Variants in CDKL3 observed in about 807,000 individuals in gnomAD.
The protein encoded by CDKL3 is cyclin dependent kinase like 3.
In CDKL3, 65 loss-of-function variants were observed where a neutral mutation model predicts 69.3. The ratio of observed to expected loss-of-function variants is 0.94; its 90% CI spans 0.77 to 1.15. The LOEUF is 1.15. CDKL3 is among the 50% of genes most tolerant of loss of function. The pLI, the probability that CDKL3 is intolerant of heterozygous loss-of-function variation, is 0.00. For missense variants in CDKL3, 652 were observed against 689.2 expected (o/e 0.95, Z 0.61); for synonymous variants, 202 against 221.6 (o/e 0.91, Z 0.79).
intron 4 of CDKL3, among the ~76,000 whole-genome samples, chr5:134,338,099 T>C (rs986272539): frequency 1.1e-4 from 17 of 152,194 alleles, no homozygotes; most frequent in African/African-American, 4.1e-4. Flanking sequence ...AAATGTAATA[T>C]GTGTAATATA....
chr5:134,356,814 A>G (rs1279612542), intron 3 of CDKL3, among the ~76,000 whole-genome samples: 1 of 151,984 alleles, frequency 6.6e-6, no homozygotes, highest in Non-Finnish European at 1.5e-5. Context: ...AAAATAAAAT[A>G]AAAACTCTTA....
intron 4 of CDKL3, among the ~76,000 whole-genome samples, chr5:134,344,997 G>A (rs1220357612): frequency 1.3e-5 from 2 of 151,910 alleles, no homozygotes; most frequent in South Asian, 2.1e-4. Flanking sequence ...CCCAGGAGGC[G>A]GATGTTGCAG....
At chr5:134,288,247 A>G (rs964370924) in intron 8 of CDKL3, among the ~76,000 whole-genome samples, 1 of 152,230 alleles carries the variant, frequency 6.6e-6, no homozygotes, top group African/African-American at 2.4e-5. Flanking sequence ...AGAAAATCCA[A>G]TGTAACCCCA....
chr5:134,298,355 G>A (rs1210387738), downstream of CDKL3: 3 of 1,128,538 alleles, frequency 2.7e-6, no homozygotes, highest in Admixed American at 4.6e-5. Flanking sequence ...AGATCATTAA[G>A]TATAAGTACA....
At position 134,366,371 on chromosome 5, in the gene CDKL3, T is replaced by C. The variant is rs1480540733; in HGVS notation, c.153A>G (p.Ile51Met). Residue 51 changes from isoleucine (I) to methionine (M), a missense_variant, in exon 2 of 13, where the codon ATA becomes ATG. By Grantham distance (10) the Ile-to-Met change is conservative. Coordinates refer to ENST00000265334, the MANE Select transcript of CDKL3 (RefSeq NM_001113575.2). ...AAAAGAAGCAAACCTTTAGAAACTT[T>C]ATTTCTCTCATCGCAATTTTGTTGA... is the stretch of plus-strand genomic sequence containing the variant. ...QSVNKIAMRE[I>M]KFLKQFHHEN... 1 of 1,571,180 alleles carries C rather than the reference T, an allele frequency of 6.4e-7. No individual in the cohort carries two copies. Among genetic ancestry groups the C allele is most frequent in the Non-Finnish European group, 8.6e-7 (1 of 1,162,236 alleles).
intron 11 of CDKL3, among the ~76,000 whole-genome samples, chr5:134,303,445 A>T (rs1766858425): frequency 6.6e-6 from 1 of 152,152 alleles, no homozygotes; most frequent in African/African-American, 2.4e-5. Context: ...TATATGGGTA[A>T]ATGATCATGA....
downstream of CDKL3, among the ~76,000 whole-genome samples, chr5:134,298,036 C>T (rs1298112623): frequency 6.6e-6 from 1 of 151,672 alleles, no homozygotes; most frequent in African/African-American, 2.4e-5. Flanking sequence ...CGGATTCAAG[C>T]GATTCTCCTG....
chr5:134,371,514 T>C, upstream of CDKL3: 2 of 1,511,772 alleles, frequency 1.3e-6, no homozygotes, highest in East Asian at 2.5e-5. Flanking sequence ...CGATCCACAG[T>C]GATTCGGCCG....
chr5:134,299,580 G>C (rs551104265), intron 12 of CDKL3: 2 of 1,327,114 alleles, frequency 1.5e-6, no homozygotes, highest in Non-Finnish European at 2.0e-6. Flanking sequence ...CAGGATTTAC[G>C]ATATACCTGT....
chr5:134,342,518 T>A (rs1052320565), intron 4 of CDKL3, among the ~76,000 whole-genome samples: 1 of 151,308 alleles, frequency 6.6e-6, no homozygotes, highest in African/African-American at 2.4e-5. Context: ...GAGAATGGCG[T>A]GAACCTGGGA....
chr5:134,319,587 C>CA, intron 5 of CDKL3, 90 bp from the exon 6 acceptor site: 2 of 1,072,396 alleles, frequency 1.9e-6, no homozygotes, highest in Non-Finnish European at 2.6e-6. Context: ...TGTTAGATTA[C>CA]TAAAAACTGA....
intron 4 of CDKL3, among the ~76,000 whole-genome samples, chr5:134,335,005 G>C (rs1408799089): frequency 6.6e-6 from 1 of 152,024 alleles, no homozygotes; most frequent in Non-Finnish European, 1.5e-5. Flanking sequence ...TTCTGTGTTG[G>C]GTGCATATAT....
At chr5:134,352,779 T>C (rs528894366) in intron 3 of CDKL3, among the ~76,000 whole-genome samples, 1 of 152,172 alleles carries the variant, frequency 6.6e-6, no homozygotes, top group African/African-American at 2.4e-5. Context: ...GGTTATTTGT[T>C]TTCTTACTAT....
chr5:134,350,312 T>C lies in CDKL3; in HGVS notation c.476A>G (p.Asp159Gly). ...TLAAPGDIYT[D>G]YVATRWYRAP... ...TCTATACCAGCGTGTGGCCACATAGTCCGTATAAATGTCCCCAGGAGCTGC... is the reference window on the plus strand; with the variant it reads ...TCTATACCAGCGTGTGGCCACATAGCCCGTATAAATGTCCCCAGGAGCTGC... Residue 159 changes from aspartate to glycine, a missense_variant, in exon 4 of 13, where the codon GAC (aspartate) becomes GGC (glycine). Physicochemically the swap from Asp to Gly is moderately conservative, Grantham distance 94 (BLOSUM62 -1). Coordinates refer to ENST00000265334, the MANE Select transcript of CDKL3 (RefSeq NM_001113575.2). 6.3e-7 allele frequency: 1 copy of C among 1,594,274 alleles called. No individual in the cohort carries two copies. The highest frequency in any genetic ancestry group is 8.5e-7 in the Non-Finnish European group (1 of 1,170,022).
chr5:134,342,515 G>A (rs1191595858), intron 4 of CDKL3, among the ~76,000 whole-genome samples: 2 of 151,918 alleles, frequency 1.3e-5, no homozygotes, highest in Non-Finnish European at 2.9e-5. Context: ...CAGGAGAATG[G>A]CGTGAACCTG....
At chr5:134,331,573 T>C (rs1401457758) in intron 4 of CDKL3, among the ~76,000 whole-genome samples, 2 of 152,192 alleles carry the variant, frequency 1.3e-5, no homozygotes, top group African/African-American at 2.4e-5. Flanking sequence ...GTCCTTGTGA[T>C]ATTTTGCTGA....
intron 4 of CDKL3, among the ~76,000 whole-genome samples, chr5:134,332,954 T>C (rs1776172484): frequency 6.6e-6 from 1 of 152,222 alleles, no homozygotes; most frequent in Admixed American, 6.6e-5. Flanking sequence ...TTTGTTTGTG[T>C]CCTCTCTTAT....
intron 4 of CDKL3, among the ~76,000 whole-genome samples, chr5:134,325,370 T>C (rs975875278): frequency 3.3e-5 from 5 of 152,180 alleles, no homozygotes; most frequent in Admixed American, 2.0e-4. Flanking sequence ...ATTATAACCA[T>C]AGATGATATA....
In CDKL3 at chr5:134,308,374, TTTC is replaced by T; in HGVS notation, c.1125_1127del (p.Lys376del). On this transcript the variant is annotated inframe_deletion, in exon 9 of 13. Transcript: ENST00000265334. ...GTTGACCAAGTCCACCTTCATACTC[TTTC>T]TTTTTTGGTTCTGAGATATCTCCTC... The T allele has an allele frequency of 1.2e-6, 2 of 1,613,920 alleles. No homozygotes were observed. Among genetic ancestry groups the T allele is most frequent in the Non-Finnish European group, 1.7e-6 (2 of 1,179,834 alleles).
Sources: gnomAD v4.1 joint callset for allele counts (sites outside exome capture counted in the v4.1 genomes callset) on GRCh38, gnomAD v4.1.1 for gene constraint, MANE v1.5 for transcripts, NCBI Gene and HGNC (gene_info 2026-07-23, HGNC 2026-07-21) for gene names.